Variants in ZBTB1 observed in about 807,000 individuals in gnomAD.
ZBTB1 encodes the protein zinc finger and BTB domain containing 1.
ZBTB1 carries 13 observed loss-of-function variants against 51.6 expected under a neutral mutation model. That is an observed-to-expected ratio of 0.25 (90% CI 0.16 to 0.40). The LOEUF is 0.40. ZBTB1 is among the 10% of genes least tolerant of loss of function. The probability of loss-of-function intolerance (pLI) is 1.00; values close to 1 mark genes in which losing one functional copy is unlikely to be tolerated. For synonymous variants in ZBTB1, 240 were observed against 282.2 expected (o/e 0.85, Z 1.50); for missense variants, 567 against 856.5 (o/e 0.66, Z 4.22).
At position 64,522,851 on chromosome 14, in the gene ZBTB1, A is replaced by C. The variant is rs1238223982; in HGVS notation, c.1347A>C (p.Ala449=). 2.5e-6 allele frequency: 4 copies of C among 1,614,090 alleles called. No individual in the cohort carries two copies. Among genetic ancestry groups the C allele is most frequent in the Non-Finnish European group, 3.4e-6 (4 of 1,180,028 alleles). Residue 449 remains alanine, a synonymous_variant, in exon 2 of 2, where the codon GCA becomes GCC. Coordinates refer to ENST00000683701, the MANE Select transcript of ZBTB1 (RefSeq NM_001123329.2). ...YLAKHIENIC[A]CGKCGQILVK... ...CCAAACACATTGAAAATATCTGTGC[A>C]TGTGGTAAATGTGGACAAATACTTG...
upstream of ZBTB1, among the ~76,000 whole-genome samples, chr14:64,504,334 C>T (rs570261504): frequency 6.6e-6 from 1 of 151,500 alleles, no homozygotes; most frequent in Non-Finnish European, 1.5e-5. Flanking sequence ...CGAGGCGGAC[C>T]GCGAGTGACG....
At chr14:64,516,546 T>A (rs1011431416) in intron 1 of ZBTB1, 2 of 152,266 alleles carry the variant, frequency 1.3e-5, no homozygotes, top group Non-Finnish European at 2.9e-5. Context: ...ATGGATGCAG[T>A]GGGATTCACA....
chr14:64,505,181 C>T (rs958716522), intron 1 of ZBTB1: 31 of 328,404 alleles, frequency 9.4e-5, no homozygotes, highest in African/African-American at 5.9e-4. Context: ...GAAGCCCCTA[C>T]GGAGACTAGT....
At position 64,524,521 on chromosome 14, in the gene ZBTB1, T is replaced by C; in HGVS notation, c.*875T>C. On this transcript the variant is annotated 3_prime_UTR_variant, in exon 2 of 2. Transcript: ENST00000683701. ...TTGTTTATAAATAGACTTTAATAGC[T>C]CTCTAAGAATATGACCTCTAAAGGA... 1 of 972,582 alleles carries C rather than the reference T, an allele frequency of 1.0e-6. No homozygotes were observed. The highest frequency in any genetic ancestry group is 1.2e-6 in the Non-Finnish European group (1 of 818,282). 60.2% of individuals were successfully genotyped at this position (972,582 alleles called of 1,614,324 possible).
chr14:64,504,278 T>TGGGCGACCCTGAACCGACGGGGCA (rs2079597984), upstream of ZBTB1, among the ~76,000 whole-genome samples: 3 of 151,424 alleles, frequency 2.0e-5, no homozygotes, highest in Admixed American at 2.0e-4. Context: ...GCGCGGGGAC[T>TGGGCGACCCTGAACCGACGGGGCA]GGGCGACCCT....
chr14:64,513,549 A>G (rs770206659), intron 1 of ZBTB1, among the ~76,000 whole-genome samples: 3 of 152,152 alleles, frequency 2.0e-5, no homozygotes, highest in Non-Finnish European at 2.9e-5. Flanking sequence ...TATCCTACTC[A>G]TTCATCAAGG....
At chr14:64,507,793 T>C (rs979216695) in intron 1 of ZBTB1, among the ~76,000 whole-genome samples, 8 of 152,212 alleles carry the variant, frequency 5.3e-5, no homozygotes, top group African/African-American at 1.7e-4. Flanking sequence ...ATGGATTGAT[T>C]TACAGCAGCC....
At position 64,524,270 on chromosome 14, in the gene ZBTB1, A is replaced by G; in HGVS notation, c.*624A>G. 1.1e-6 allele frequency: 1 copy of G among 951,692 alleles called. No individual in the cohort carries two copies. The allele number at this position is 951,692 out of a possible 1,614,324, so 59.0% of individuals were successfully genotyped here. A position where few individuals can be genotyped will look rare whatever the true frequency, so the allele number is the denominator to read the frequency against. Reference sequence around the variant, plus strand: ...AAATTTTTATAAATGAATATTTCCTATAATTGATAAAATATTATCATTTAA... The same window carrying G: ...AAATTTTTATAAATGAATATTTCCTGTAATTGATAAAATATTATCATTTAA... On this transcript the variant is annotated 3_prime_UTR_variant, in exon 2 of 2. Coordinates refer to ENST00000683701, the MANE Select transcript of ZBTB1 (RefSeq NM_001123329.2).
In ZBTB1 at chr14:64,523,755, T is replaced by A; in HGVS notation, c.*109T>A. The A allele has an allele frequency of 7.3e-7, 1 of 1,363,444 alleles. No homozygotes were observed. The highest frequency in any genetic ancestry group is 2.2e-5 in the South Asian group (1 of 46,312). 84.5% of individuals were successfully genotyped at this position (1,363,444 alleles called of 1,614,324 possible). A position where few individuals can be genotyped will look rare whatever the true frequency, so the allele number is the denominator to read the frequency against. ...ATAAGATGATTTGTTAGAAACAAAT[T>A]TCAAGGCCCTTTTAACTTTAATATT... On this transcript the variant is annotated 3_prime_UTR_variant, in exon 2 of 2. Transcript: ENST00000683701. The surrounding 1 kb of genome is among the most constrained non-coding windows in gnomAD (Gnocchi z 4.5).
At chr14:64,514,852 G>A (rs1361643514) in intron 1 of ZBTB1, among the ~76,000 whole-genome samples, 2 of 152,100 alleles carry the variant, frequency 1.3e-5, no homozygotes, top group Non-Finnish European at 2.9e-5. Flanking sequence ...CTATCTGGGT[G>A]GTCAGGAGTC....
chr14:64,518,057 G>T (rs1422970059), intron 1 of ZBTB1, among the ~76,000 whole-genome samples: 1 of 151,784 alleles, frequency 6.6e-6, no homozygotes, highest in African/African-American at 2.4e-5. Context: ...GGCTGATCTT[G>T]AACTCCTGAC....
chr14:64,522,325 C>T lies in ZBTB1; in HGVS notation c.821C>T (p.Ser274Phe), dbSNP rs745577215. The change falls in exon 2 of 2, where the codon TCC (serine) becomes TTC (phenylalanine). Residue 274 changes from serine to phenylalanine, a missense_variant. By Grantham distance (155) the Ser-to-Phe change is radical (BLOSUM62 -2). Coordinates refer to ENST00000683701, the MANE Select transcript of ZBTB1 (RefSeq NM_001123329.2). ...GCTGAATTTGGTGAAAAAGATTCTT[C>T]CAAAACATTTTCTGCACAGACGGAC... ...IKAEFGEKDS[S>F]KTFSAQTDKY... The T allele has an allele frequency of 1.9e-5, 31 of 1,613,964 alleles. No individual in the cohort carries two copies. In the Middle Eastern group the frequency reaches 6.6e-4, roughly 34 times the overall value.
downstream of ZBTB1, among the ~76,000 whole-genome samples, chr14:64,526,356 CTTGCTGTTG>C (rs1566637771): frequency 1.3e-5 from 2 of 152,312 alleles, no homozygotes; most frequent in East Asian, 3.9e-4. Flanking sequence ...GCTGTCATTC[CTTGCTGTTG>C]CTTCTTGCCC....
chr14:64,530,444 A>G (rs1566639184), intron 2 of ZBTB1, among the ~76,000 whole-genome samples: 1 of 152,014 alleles, frequency 6.6e-6, no homozygotes, highest in South Asian at 2.1e-4. Flanking sequence ...CCTCTCTACT[A>G]AAAATACAAA....
At chr14:64,527,904 CTA>C (rs1159945080), downstream of ZBTB1, among the ~76,000 whole-genome samples, 6 of 152,024 alleles carry the variant, frequency 3.9e-5, no homozygotes, top group African/African-American at 1.4e-4. Context: ...AATAATATGA[CTA>C]TAATTATAGA....
At chr14:64,526,626 G>T (rs1275784737), downstream of ZBTB1, among the ~76,000 whole-genome samples, 2 of 152,176 alleles carry the variant, frequency 1.3e-5, no homozygotes, top group Admixed American at 6.5e-5. Flanking sequence ...AATACAACTT[G>T]CATGTTCTAC....
Position 64,521,516 on chromosome 14 carries a change from C to T in ZBTB1, c.12C>T (p.Pro4=). The change falls in exon 2 of 2, where the codon CCC becomes CCT. Residue 4 remains proline (P), a synonymous_variant. Transcript: ENST00000683701. ...CTAATTAACAGAAGATGGCAAAGCC[C>T]AGCCACAGCAGCTATGTCCTTCAGC... MAK[P]SHSSYVLQQL... is the part of the protein sequence containing the mutation. 6.2e-7 allele frequency: 1 copy of T among 1,603,224 alleles called. No homozygotes were observed. Among genetic ancestry groups the T allele is most frequent in the Non-Finnish European group, 8.5e-7 (1 of 1,174,916 alleles).
exon 3 of ZBTB1, chr14:64,532,722 C>T (rs1318803416): frequency 3.3e-5 from 5 of 151,984 alleles, no homozygotes; most frequent in African/African-American, 1.2e-4. Context: ...ATAAACCATG[C>T]TTCTCAGCTT....
chr14:64,510,496 G>A (rs2079713361), intron 1 of ZBTB1, among the ~76,000 whole-genome samples: 1 of 152,208 alleles, frequency 6.6e-6, no homozygotes, highest in Admixed American at 6.5e-5. Flanking sequence ...CTTTCTGCAG[G>A]AGGTGATAAA....
Sources: gnomAD v4.1 joint callset for allele counts (sites outside exome capture counted in the v4.1 genomes callset) on GRCh38, gnomAD v4.1.1 for gene constraint, Gnocchi (gnomAD v3.1) non-coding constraint, MANE v1.5 for transcripts, NCBI Gene and HGNC (gene_info 2026-07-23, HGNC 2026-07-21) for gene names.